The following DPYSL2 variants were observed in gnomAD, a reference collection of about 807,000 sequenced individuals.
DPYSL2 encodes the protein dihydropyrimidinase like 2.
A neutral mutation model predicts 69.9 loss-of-function variants in DPYSL2; 13 were observed. The observed-to-expected ratio is 0.19, with a 90% CI of 0.12 to 0.30. DPYSL2 has a LOEUF of 0.30. Ranked by LOEUF, DPYSL2 falls within the 10% of genes least tolerant of loss-of-function variation. The pLI is 1.00. For synonymous variants in DPYSL2, 326 were observed against 359.1 expected (o/e 0.91, Z 1.04); for missense variants, 587 against 918.9 (o/e 0.64, Z 4.67).
intron 1 of DPYSL2, among the ~76,000 whole-genome samples, chr8:26,553,506 G>A (rs1165855901): frequency 6.6e-6 from 1 of 152,144 alleles, no homozygotes; most frequent in Non-Finnish European, 1.5e-5. Context: ...CTGTTAGTTT[G>A]CTGAGGATGA....
chr8:26,622,468 GTGTGTA>G (rs1343124243), intron 3 of DPYSL2, among the ~76,000 whole-genome samples: 3 of 104,588 alleles, frequency 2.9e-5, no homozygotes, highest in East Asian at 4.4e-4. Context: ...GTGTGTGTGT[GTGTGTA>G]TATGTGTGTG....
In DPYSL2 at chr8:26,639,221, C is replaced by T. The variant is rs189806817; in HGVS notation, c.1127-4218C>T. Among the ~76,000 whole-genome samples, 285 of 152,122 alleles carry T rather than the reference C, an allele frequency of 1.9e-3. 2 individuals are homozygous for T. The highest frequency in any genetic ancestry group is 0.015 in the Admixed American group (235 of 15,276). ...TTATGCTTGATGTTGCAATCTTGAA[C>T]AGAAAAGGGGGATGAGAGAGGAGAG... is the stretch of plus-strand genomic sequence containing the variant. On this transcript the variant is annotated intron_variant, in intron 8 of 13. Coordinates refer to ENST00000521913, the MANE Select transcript of DPYSL2 (RefSeq NM_001197293.3).
intron 1 of DPYSL2, among the ~76,000 whole-genome samples, chr8:26,579,471 A>G (rs1053844042): frequency 6.6e-6 from 1 of 152,232 alleles, no homozygotes; most frequent in African/African-American, 2.4e-5. Context: ...AGAACCTAGG[A>G]CTGAGGCAGA....
intron 8 of DPYSL2, among the ~76,000 whole-genome samples, chr8:26,635,679 C>A (rs1330872949): frequency 4.7e-5 from 4 of 84,606 alleles, no homozygotes; most frequent in Admixed American, 1.9e-4. Context: ...TAAAAGGGTC[C>A]CCTTCTTTCT....
chr8:26,634,777 C>A lies in DPYSL2; in HGVS notation c.1006-3C>A, dbSNP rs768747449. 1 of 1,614,076 alleles carries A rather than the reference C, an allele frequency of 6.2e-7. No individual in the cohort carries two copies. The highest frequency in any genetic ancestry group is 8.5e-7 in the Non-Finnish European group (1 of 1,179,994). On this transcript the variant is annotated splice_polypyrimidine_tract_variant and splice_region_variant and intron_variant, in intron 7 of 13. Coordinates refer to ENST00000521913, the MANE Select transcript of DPYSL2 (RefSeq NM_001197293.3). ...ATTCTCATGCTCTGCTGCTGTTTTG[C>A]AGGTCGAGGCCGAAGCCGTGAATCG...
At position 26,614,236 on chromosome 8, in the gene DPYSL2, G is replaced by C. The variant is rs955785342; in HGVS notation, c.629-9907G>C. Among the ~76,000 whole-genome samples, 4 of 152,236 alleles carry C rather than the reference G, an allele frequency of 2.6e-5. No homozygotes were observed. The highest frequency in any genetic ancestry group is 9.6e-5 in the African/African-American group (4 of 41,460). ...AAGTAAATTTGCAAGATTGCTGTCT[G>C]GGAGCTGGACAGACAGGAAGGGAAC... On this transcript the variant is annotated intron_variant, in intron 3 of 13. Transcript: ENST00000521913. This position sits in a 1 kb window ranked among gnomAD's most constrained non-coding sequence, Gnocchi z 4.9.
At chr8:26,525,364 G>A (rs1808459893) in intron 1 of DPYSL2, among the ~76,000 whole-genome samples, 1 of 152,070 alleles carries the variant, frequency 6.6e-6, no homozygotes, top group African/African-American at 2.4e-5. Flanking sequence ...GGGACTACAG[G>A]CACATGCCAC....
intron 1 of DPYSL2, among the ~76,000 whole-genome samples, chr8:26,567,043 C>T (rs757437680): frequency 1.3e-5 from 2 of 151,798 alleles, no homozygotes; most frequent in Admixed American, 6.6e-5. Context: ...CATCTATCCA[C>T]CTACCCACTC....
rs532979907 is a variant in DPYSL2, at chr8:26,612,608, T to G, written c.629-11535T>G. Reference sequence around the variant, plus strand: ...GGCTCACGCCTGTAATCCCAGCACTTTGGGAGGCCGAGGCGGGTGGATCAC... The same window carrying G: ...GGCTCACGCCTGTAATCCCAGCACTGTGGGAGGCCGAGGCGGGTGGATCAC... On this transcript the variant is annotated intron_variant, in intron 3 of 13. Coordinates refer to ENST00000521913, the MANE Select transcript of DPYSL2 (RefSeq NM_001197293.3). Among the ~76,000 whole-genome samples, 274 of 152,326 alleles carry G rather than the reference T, an allele frequency of 1.8e-3. 2 individuals are homozygous for G. The highest frequency in any genetic ancestry group is 6.4e-3 in the African/African-American group (265 of 41,574).
intron 3 of DPYSL2, among the ~76,000 whole-genome samples, chr8:26,592,754 G>T (rs776162225): frequency 6.6e-6 from 1 of 152,194 alleles, no homozygotes; most frequent in Non-Finnish European, 1.5e-5. Flanking sequence ...TGGGATTACA[G>T]GCATGTCCCA....
Position 26,585,377 on chromosome 8 carries a change from C to T in DPYSL2, c.628+1394C>T, listed in dbSNP as rs919365554. Among the ~76,000 whole-genome samples, 1 of 152,170 alleles carries T rather than the reference C, an allele frequency of 6.6e-6. No individual in the cohort carries two copies. Among genetic ancestry groups the T allele is most frequent in the Non-Finnish European group, 1.5e-5 (1 of 68,026 alleles). On this transcript the variant is annotated intron_variant, in intron 3 of 13. Coordinates refer to ENST00000521913, the MANE Select transcript of DPYSL2 (RefSeq NM_001197293.3). The surrounding 1 kb of genome is among the most constrained non-coding windows in gnomAD (Gnocchi z 4.0). ...CTGAGTTGCCCCGCATTTTAAATCA[C>T]AACTCATCCTCTGGCGTTCTCTCTG... is the stretch of plus-strand genomic sequence containing the variant.
Position 26,586,570 on chromosome 8 carries a change from C to G in DPYSL2, c.628+2587C>G, listed in dbSNP as rs1801608696. On this transcript the variant is annotated intron_variant, in intron 3 of 13. Transcript: ENST00000521913. This position sits in a 1 kb window ranked among gnomAD's most constrained non-coding sequence, Gnocchi z 4.7. ...CTCTTTCCTGCCTTCCCTTCCCCACCACAGGAGCATCACCTTCTTGCCACC... is the reference window on the plus strand; with the variant it reads ...CTCTTTCCTGCCTTCCCTTCCCCACGACAGGAGCATCACCTTCTTGCCACC... 6.6e-6 allele frequency among the ~76,000 whole-genome samples: 1 copy of G among 152,128 alleles called. No individual in the cohort carries two copies. The highest frequency in any genetic ancestry group is 2.1e-4 in the South Asian group (1 of 4,830).
chr8:26,643,848 T>G lies in DPYSL2; in HGVS notation c.1284-102T>G. ...AGAGGAGGCGTCAAAAGGACTCCAC[T>G]TGGGTTGGTGTGATGCCATTCATGA... On this transcript the variant is annotated intron_variant, in intron 9 of 13. Transcript: ENST00000521913. The surrounding 1 kb of genome is among the most constrained non-coding windows in gnomAD (Gnocchi z 6.5). 7.6e-6 allele frequency: 11 copies of G among 1,456,154 alleles called. No homozygotes were observed. Among genetic ancestry groups the G allele is most frequent in the Non-Finnish European group, 1.0e-5 (11 of 1,083,352 alleles). 90.2% of individuals were successfully genotyped at this position (1,456,154 alleles called of 1,614,324 possible).
intron 1 of DPYSL2, among the ~76,000 whole-genome samples, chr8:26,520,071 A>G (rs180821553): frequency 1.1e-4 from 17 of 152,286 alleles, no homozygotes; most frequent in Admixed American, 9.8e-4. Context: ...GGTTTCCCCC[A>G]TACTGTTCTT....
chr8:26,571,000 T>G (rs1387541241), intron 1 of DPYSL2, among the ~76,000 whole-genome samples: 1 of 152,130 alleles, frequency 6.6e-6, no homozygotes, highest in African/African-American at 2.4e-5. Context: ...ATAACAGTAT[T>G]TTAGAAGATT....
In DPYSL2 at chr8:26,617,998, A is replaced by C. The variant is rs1802394090; in HGVS notation, c.629-6145A>C. On this transcript the variant is annotated intron_variant, in intron 3 of 13. Transcript: ENST00000521913. This position sits in a 1 kb window ranked among gnomAD's most constrained non-coding sequence, Gnocchi z 4.7. The stretch of plus-strand genomic sequence containing the variant: ...CCCTTTAAATGAGTGATTGCATAGC[A>C]TGTGAATTATACCTCAATAAAACTG... Among the ~76,000 whole-genome samples the C allele has an allele frequency of 6.6e-6, 1 of 152,226 alleles. No individual in the cohort carries two copies. Among genetic ancestry groups the C allele is most frequent in the Admixed American group, 6.5e-5 (1 of 15,288 alleles).
rs1048914398 is a variant in DPYSL2 at position 26,656,745 on chromosome 8, T to G, written c.*1039T>G. On this transcript the variant is annotated 3_prime_UTR_variant, in exon 14 of 14. Coordinates refer to ENST00000521913, the MANE Select transcript of DPYSL2 (RefSeq NM_001197293.3). Reference sequence around the variant, plus strand: ...CATCATGAGGATGTGTGCTAGAGTGTGGGACCCTGGCCAAGTGCAGGAATG... The same window carrying G: ...CATCATGAGGATGTGTGCTAGAGTGGGGGACCCTGGCCAAGTGCAGGAATG... 6.5e-6 allele frequency: 1 copy of G among 152,720 alleles called. No individual in the cohort carries two copies. Among genetic ancestry groups the G allele is most frequent in the Non-Finnish European group, 1.5e-5 (1 of 68,128 alleles). The allele number at this position is 152,720 out of a possible 1,614,324, so 9.5% of individuals were successfully genotyped here. A position where few individuals can be genotyped will look rare whatever the true frequency, so the allele number is the denominator to read the frequency against.
At chr8:26,549,727 CTT>C (rs1800841888) in intron 1 of DPYSL2, among the ~76,000 whole-genome samples, 1 of 152,158 alleles carries the variant, frequency 6.6e-6, no homozygotes, top group Non-Finnish European at 1.5e-5. Flanking sequence ...CCGGATTTCT[CTT>C]GAGACCCATA....
chr8:26,524,835 A>AAAAAAAGAG (rs1563374151), intron 1 of DPYSL2, among the ~76,000 whole-genome samples: 1 of 74,184 alleles, frequency 1.3e-5, no homozygotes, highest in Non-Finnish European at 2.7e-5. Flanking sequence ...AAAAAAAAAA[A>AAAAAAAGAG]AGAGAGAGAA....
Sources: gnomAD v4.1 joint callset for allele counts (sites outside exome capture counted in the v4.1 genomes callset) on GRCh38, gnomAD v4.1.1 for gene constraint, Gnocchi (gnomAD v3.1) non-coding constraint, MANE v1.5 for transcripts, NCBI Gene and HGNC (gene_info 2026-07-23, HGNC 2026-07-21) for gene names.